TANGO6: variants seen among roughly 807,000 people sequenced by gnomAD.
TANGO6 encodes the protein transport and golgi organization 6 homolog.
Under a neutral mutation model 114.2 loss-of-function variants are expected in TANGO6, and 90 were observed. That is an observed-to-expected ratio of 0.79 (90% CI 0.66 to 0.94). The LOEUF (loss-of-function observed/expected upper bound fraction) is 0.94. Ranked by LOEUF, TANGO6 falls within the 40% of genes least tolerant of loss-of-function variation. The pLI, the probability that TANGO6 is intolerant of heterozygous loss-of-function variation, is 0.00. For missense variants in TANGO6, 1,274 were observed against 1,315.3 expected (o/e 0.97, Z 0.49); for synonymous variants, 477 against 509.8 (o/e 0.94, Z 0.87).
chr16:68,907,217 G>A (rs958439712), intron 9 of TANGO6, among the ~76,000 whole-genome samples: 2 of 151,252 alleles, frequency 1.3e-5, no homozygotes, highest in African/African-American at 2.4e-5. Context: ...GAAGTGCTGC[G>A]ATTACAGGCG....
chr16:68,870,013 GA>G (rs145213998), intron 4 of TANGO6, among the ~76,000 whole-genome samples: 86 of 152,246 alleles, frequency 5.6e-4, no homozygotes, highest in African/African-American at 2.1e-3. Flanking sequence ...AGGGAGATGC[GA>G]AACGATTAAC....
At chr16:68,964,643 T>G (rs1040160570) in intron 14 of TANGO6, among the ~76,000 whole-genome samples, 31 of 150,786 alleles carry the variant, frequency 2.1e-4, no homozygotes, top group African/African-American at 7.6e-4. Flanking sequence ...CTTGGCTCAC[T>G]GCAACCTCCG....
chr16:68,961,735 A>G (rs923793510), intron 14 of TANGO6, among the ~76,000 whole-genome samples: 6 of 152,194 alleles, frequency 3.9e-5, no homozygotes, highest in African/African-American at 1.4e-4. Flanking sequence ...ATACTGATTT[A>G]AAGAGGTAGA....
At chr16:69,048,921 A>G (rs1597071746) in intron 17 of TANGO6, among the ~76,000 whole-genome samples, 1 of 152,216 alleles carries the variant, frequency 6.6e-6, no homozygotes, top group East Asian at 1.9e-4. Flanking sequence ...AAGCTGATGA[A>G]CAGCAAAAAG....
At chr16:68,876,048 T>C (rs1191645286) in intron 5 of TANGO6, among the ~76,000 whole-genome samples, 1 of 152,206 alleles carries the variant, frequency 6.6e-6, no homozygotes, top group Admixed American at 6.5e-5. Context: ...TCCAGAGATA[T>C]TCTGTGTATT....
intron 11 of TANGO6, among the ~76,000 whole-genome samples, chr16:68,916,216 T>A (rs770745405): frequency 1.6e-4 from 25 of 152,198 alleles, no homozygotes; most frequent in Non-Finnish European, 2.6e-4. Context: ...GGTACTGTTC[T>A]GTGGCCTGTT....
chr16:68,981,058 T>C (rs1392187338), intron 15 of TANGO6, among the ~76,000 whole-genome samples: 1 of 152,074 alleles, frequency 6.6e-6, no homozygotes, highest in African/African-American at 2.4e-5. Flanking sequence ...AATTTAGGAG[T>C]TTTTGTACTC....
chr16:68,990,046 C>CTG (rs1360677506), intron 15 of TANGO6, among the ~76,000 whole-genome samples: 1 of 151,958 alleles, frequency 6.6e-6, no homozygotes, highest in Non-Finnish European at 1.5e-5. Flanking sequence ...CTTTCTCGCT[C>CTG]TGTGTGTGTG....
At chr16:69,045,197 A>G (rs1398369639) in intron 17 of TANGO6, among the ~76,000 whole-genome samples, 2 of 147,668 alleles carry the variant, frequency 1.4e-5, no homozygotes, top group South Asian at 2.1e-4. Flanking sequence ...ACTCACACCT[A>G]TAATCCCAGC....
intron 1 of TANGO6, among the ~76,000 whole-genome samples, chr16:68,844,717 C>T (rs1961776726): frequency 6.6e-6 from 1 of 152,098 alleles, no homozygotes. Flanking sequence ...TGTTGACATA[C>T]ACATCATTTA....
intron 17 of TANGO6, among the ~76,000 whole-genome samples, chr16:69,071,304 A>G (rs981072092): frequency 6.6e-6 from 1 of 152,178 alleles, no homozygotes; most frequent in African/African-American, 2.4e-5. Context: ...CCTCTGACAC[A>G]ATGAGTGTAT....
chr16:69,001,901 A>G (rs758526790), intron 15 of TANGO6, among the ~76,000 whole-genome samples: 79 of 152,350 alleles, frequency 5.2e-4, no homozygotes, highest in Non-Finnish European at 1.1e-3. Flanking sequence ...ACTGTAAGCA[A>G]CTGCCATCAG....
intron 16 of TANGO6, among the ~76,000 whole-genome samples, chr16:69,031,945 G>T (rs549827421): frequency 6.6e-6 from 1 of 152,092 alleles, no homozygotes; most frequent in African/African-American, 2.4e-5. Context: ...TTACAGGAAT[G>T]AGTCACTCCG....
intron 17 of TANGO6, among the ~76,000 whole-genome samples, chr16:69,043,516 G>T (rs557671380): frequency 6.6e-6 from 1 of 152,096 alleles, no homozygotes. Context: ...TCTCCAAACT[G>T]TCTCTAGTCT....
Position 68,927,624 on chromosome 16 carries a change from A to G in TANGO6, c.2184A>G (p.Val728=), listed in dbSNP as rs967523355. ...AGTTGTTGCCTCTGTTGGAGAAGGT[A>G]TCCAACACATACCCTGATCCGGTCA... ...LKQLLPLLEK[V]SNTYPDPVIQ... The change falls in exon 13 of 18, where the codon GTA becomes GTG. Residue 728 remains valine (V), a synonymous_variant. Coordinates refer to ENST00000261778, the MANE Select transcript of TANGO6 (RefSeq NM_024562.2). The G allele has an allele frequency of 5.0e-6, 8 of 1,613,828 alleles. No individual in the cohort carries two copies. Among genetic ancestry groups the G allele is most frequent in the South Asian group, 3.3e-5 (3 of 91,078 alleles).
intron 7 of TANGO6, among the ~76,000 whole-genome samples, chr16:68,895,288 G>T (rs544391411): frequency 6.6e-6 from 1 of 152,278 alleles, no homozygotes; most frequent in African/African-American, 2.4e-5. Context: ...GGTGTAGGTT[G>T]CACTGAGGCG....
At chr16:68,914,478 A>T (rs1962971592) in intron 11 of TANGO6, among the ~76,000 whole-genome samples, 1 of 152,220 alleles carries the variant, frequency 6.6e-6, no homozygotes, top group African/African-American at 2.4e-5. Context: ...TTATTAACAA[A>T]CTAAACAGTT....
At chr16:69,082,555 G>T (rs1960481490) in intron 17 of TANGO6, among the ~76,000 whole-genome samples, 1 of 150,572 alleles carries the variant, frequency 6.6e-6, no homozygotes, top group Admixed American at 6.6e-5. Context: ...GACCATCATG[G>T]CCAACAAGGT....
At chr16:69,057,033 G>A (rs1389307406) in intron 17 of TANGO6, among the ~76,000 whole-genome samples, 2 of 117,648 alleles carry the variant, frequency 1.7e-5, no homozygotes, top group Non-Finnish European at 3.4e-5. Context: ...TTTTGAGATG[G>A]AGTCTTGCTC....
Sources: gnomAD v4.1 joint callset for allele counts (sites outside exome capture counted in the v4.1 genomes callset) on GRCh38, gnomAD v4.1.1 for gene constraint, MANE v1.5 for transcripts, NCBI Gene and HGNC (gene_info 2026-07-23, HGNC 2026-07-21) for gene names.